Variants in UHRF2 observed in about 807,000 individuals in gnomAD.
UHRF2 encodes ubiquitin like with PHD and ring finger domains 2, also known as E3 ubiquitin-protein ligase UHRF2.
Under a neutral mutation model 96.8 loss-of-function variants are expected in UHRF2, and 23 were observed. The observed-to-expected ratio is 0.24, with a 90% CI of 0.17 to 0.34. The LOEUF is 0.34. UHRF2 is among the 10% of genes least tolerant of loss of function. UHRF2 has a pLI of 1.00. For synonymous variants in UHRF2, 385 were observed against 332.6 expected (o/e 1.16, Z -1.72); for missense variants, 685 against 981.5 (o/e 0.70, Z 4.04).
Position 6,413,358 on chromosome 9 carries a change from C to G in UHRF2, c.-133C>G, listed in dbSNP as rs1391509640. On this transcript the variant is annotated 5_prime_UTR_variant, in exon 1 of 16. Coordinates refer to ENST00000276893, the MANE Select transcript of UHRF2 (RefSeq NM_152896.3). ...CCGCCTGTCGGGCCCGGCGTCCGGT[C>G]GGTCCGGTGGGCGCGCTCGCCCGCC... 1.1e-5 allele frequency: 10 copies of G among 917,340 alleles called. No individual in the cohort carries two copies. The East Asian group carries it at 1.5e-4, about 13-fold the overall frequency. The allele number at this position is 917,340 out of a possible 1,614,324, so 56.8% of individuals were successfully genotyped here. A position where few individuals can be genotyped will look rare whatever the true frequency, so the allele number is the denominator to read the frequency against.
chr9:6,471,905 C>T (rs1029880469), intron 4 of UHRF2, among the ~76,000 whole-genome samples: 4 of 152,040 alleles, frequency 2.6e-5, no homozygotes, highest in Admixed American at 2.0e-4. Flanking sequence ...AAAAGGAGTC[C>T]GGTTAGAAAT....
chr9:6,468,316 A>G lies in UHRF2; in HGVS notation c.864-7075A>G, dbSNP rs1823000911. The G allele has an allele frequency of 1.3e-5, 5 of 387,366 alleles. No individual in the cohort carries two copies. The Admixed American group carries it at 1.5e-4, about 12-fold the overall frequency. 24.0% of individuals were successfully genotyped at this position (387,366 alleles called of 1,614,324 possible). On this transcript the variant is annotated intron_variant, in intron 4 of 15. Coordinates refer to ENST00000276893, the MANE Select transcript of UHRF2 (RefSeq NM_152896.3). ...TTGAATTTGTGACATTTATTGAATCACTTAAAGTAGTACATGGAAAGCACC... is the reference window on the plus strand; with the variant it reads ...TTGAATTTGTGACATTTATTGAATCGCTTAAAGTAGTACATGGAAAGCACC...
At chr9:6,499,097 C>G (rs544445592) in intron 12 of UHRF2, 1 of 152,244 alleles carries the variant, frequency 6.6e-6, no homozygotes, top group East Asian at 1.9e-4. Context: ...TTTCAGATGT[C>G]CCTGTTGAGA....
chr9:6,474,956 A>G (rs947393786), intron 4 of UHRF2, among the ~76,000 whole-genome samples: 1 of 152,210 alleles, frequency 6.6e-6, no homozygotes, highest in East Asian at 1.9e-4. Flanking sequence ...TTTTCACAAA[A>G]GTATATAAAA....
At chr9:6,457,662 T>C (rs944631446) in intron 3 of UHRF2, among the ~76,000 whole-genome samples, 38 of 152,210 alleles carry the variant, frequency 2.5e-4, no homozygotes, top group African/African-American at 9.2e-4. Context: ...ATAGCTCTTA[T>C]TATTTTGAGA....
Position 6,500,331 on chromosome 9 carries a change from A to T in UHRF2, c.2006-221A>T, listed in dbSNP as rs191876482. Among the ~76,000 whole-genome samples, 22 of 152,330 alleles carry T rather than the reference A, an allele frequency of 1.4e-4. No homozygotes were observed. In the East Asian group the frequency reaches 3.7e-3, roughly 25 times the overall value. On this transcript the variant is annotated intron_variant, in intron 13 of 15. Transcript: ENST00000276893. ...ATTGAGACTTAAATGAAAGCAAAGG[A>T]TTTGGCTGGGGGGGCATGGTAGAAG...
At chr9:6,448,822 G>A (rs1441516232) in intron 3 of UHRF2, among the ~76,000 whole-genome samples, 1 of 152,216 alleles carries the variant, frequency 6.6e-6, no homozygotes, top group Non-Finnish European at 1.5e-5. Context: ...AGCCTTGAAT[G>A]TCACCTTTTA....
intron 9 of UHRF2, among the ~76,000 whole-genome samples, chr9:6,488,540 CTTTTT>C (rs58280407): frequency 2.4e-5 from 2 of 83,818 alleles, no homozygotes; most frequent in African/African-American, 9.5e-5. Context: ...TTTTTCTTTT[CTTTTT>C]TTTTTTTTTT....
chr9:6,419,746 ATTTG>A (rs1415083886), intron 1 of UHRF2, among the ~76,000 whole-genome samples: 2 of 151,858 alleles, frequency 1.3e-5, no homozygotes, highest in African/African-American at 4.8e-5. Flanking sequence ...TTATTTATTT[ATTTG>A]TTTATTTTGA....
chr9:6,453,086 ATG>A (rs1314920793), intron 3 of UHRF2, among the ~76,000 whole-genome samples: 1 of 152,160 alleles, frequency 6.6e-6, no homozygotes, highest in Non-Finnish European at 1.5e-5. Flanking sequence ...AGACTTAACT[ATG>A]TATGTGTATG....
At chr9:6,479,169 CAA>C (rs1376270803) in intron 6 of UHRF2, among the ~76,000 whole-genome samples, 1 of 152,184 alleles carries the variant, frequency 6.6e-6, no homozygotes, top group African/African-American at 2.4e-5. Context: ...TTCTTTCATG[CAA>C]AGATTCTCAA....
chr9:6,455,292 C>T (rs1334726567), intron 3 of UHRF2, among the ~76,000 whole-genome samples: 6 of 152,162 alleles, frequency 3.9e-5, no homozygotes, highest in African/African-American at 1.4e-4. Flanking sequence ...TCCCCCCTCT[C>T]TCCACCCCAC....
At chr9:6,500,076 G>A (rs546150267) in intron 13 of UHRF2, 145 bp downstream of exon 13, 85 of 597,940 alleles carry the variant, frequency 1.4e-4, no homozygotes, top group Non-Finnish European at 2.4e-4. Context: ...GGGCTCAAGC[G>A]ATCCACCTAC....
intron 1 of UHRF2, among the ~76,000 whole-genome samples, chr9:6,417,895 C>A (rs528124262): frequency 6.6e-6 from 1 of 152,168 alleles, no homozygotes; most frequent in African/African-American, 2.4e-5. Flanking sequence ...TAGAAATACC[C>A]TCAACGTCAC....
At chr9:6,468,354 G>C in intron 4 of UHRF2, 1 of 439,998 alleles carries the variant, frequency 2.3e-6, no homozygotes, top group South Asian at 1.6e-5. Context: ...TTTGCAGGTA[G>C]GGTGGGACAG....
chr9:6,501,778 C>G (rs1433849061), intron 14 of UHRF2, among the ~76,000 whole-genome samples: 1 of 152,188 alleles, frequency 6.6e-6, no homozygotes, highest in Non-Finnish European at 1.5e-5. Flanking sequence ...CACTCATTTT[C>G]ACTTATAGGA....
chr9:6,481,954 C>T (rs1225521280), intron 7 of UHRF2, 38 bp from the exon 8 acceptor site: 1 of 1,600,432 alleles, frequency 6.2e-7, no homozygotes, highest in East Asian at 2.2e-5. Context: ...TAAAATTTAA[C>T]ATAACTGATT....
In UHRF2 at chr9:6,468,165, T is replaced by A. The variant is rs186215470; in HGVS notation, c.864-7226T>A. Among the ~76,000 whole-genome samples, 10 of 152,332 alleles carry A rather than the reference T, an allele frequency of 6.6e-5. 1 individual carries two copies. In the East Asian group the frequency reaches 1.9e-3, roughly 29 times the overall value. On this transcript the variant is annotated intron_variant, in intron 4 of 15. Transcript: ENST00000276893. ...ATTAGATTCAGTGAAATAGGATATT[T>A]CTTGGGGAATGAATTGATTATATGC...
intron 2 of UHRF2, among the ~76,000 whole-genome samples, chr9:6,428,533 CTTTTTTTTTTTTTTTTTTT>C (rs1171172143): frequency 2.9e-4 from 19 of 65,422 alleles, no homozygotes; most frequent in South Asian, 2.1e-3. Flanking sequence ...ATTGCTTTTG[CTTTTTTTTTTTTTTTTTTT>C]TTTTTTTTTT....
Sources: allele counts gnomAD v4.1 joint callset (sites outside exome capture counted in the v4.1 genomes callset), GRCh38; gene constraint gnomAD v4.1.1; transcripts MANE v1.5; gene names NCBI Gene and HGNC (gene_info 2026-07-23, HGNC 2026-07-21).